The following CARD10 variants were observed in gnomAD, a reference collection of about 807,000 sequenced individuals.
CARD10 encodes caspase recruitment domain family member 10, also known as caspase recruitment domain-containing protein 10.
A neutral mutation model predicts 114.6 loss-of-function variants in CARD10; 49 were observed. The ratio of observed to expected loss-of-function variants is 0.43; its 90% CI spans 0.34 to 0.54. CARD10 has a LOEUF of 0.54. CARD10 is among the 20% of genes least tolerant of loss of function. CARD10 has a pLI of 0.03. For synonymous variants in CARD10, 602 were observed against 593.2 expected, an observed-to-expected ratio of 1.01 and a Z score of -0.21; for missense variants, 1,206 against 1,397.2, an observed-to-expected ratio of 0.86 and a Z score of 2.18.
At chr22:37,494,217 C>G in intron 15 of CARD10, 29 bp from the exon 16 acceptor site, 1 of 1,469,426 alleles carries the variant, frequency 6.8e-7, no homozygotes, top group Non-Finnish European at 9.3e-7. Context: ...AGAGGAGCAT[C>G]TGAGAGCTCA....
At chr22:37,498,841 A>G (rs1923103199) in intron 11 of CARD10, among the ~76,000 whole-genome samples, 1 of 136,570 alleles carries the variant, frequency 7.3e-6, no homozygotes, top group African/African-American at 2.7e-5. Context: ...GCTGAGCGTC[A>G]GTTACCACAT....
intron 11 of CARD10, among the ~76,000 whole-genome samples, chr22:37,498,681 C>T (rs1923097521): frequency 6.6e-6 from 1 of 152,176 alleles, no homozygotes; most frequent in African/African-American, 2.4e-5. Flanking sequence ...CATTCAGTGC[C>T]GCATGTCCTG....
rs565369955 is a variant in CARD10, at chr22:37,490,717, C to T, written c.*442G>A. ...AGCGCGAGCTGGATGGTGGGAGTCA[C>T]GCGGTAACGGGCTCAGGTCTCCTAG... On this transcript the variant is annotated 3_prime_UTR_variant, in exon 20 of 20. Transcript: ENST00000251973. 2 of 163,626 alleles carry T rather than the reference C, an allele frequency of 1.2e-5. No individual in the cohort carries two copies. Among genetic ancestry groups the T allele is most frequent in the African/African-American group, 2.4e-5 (1 of 41,868 alleles). The allele number at this position is 163,626 out of a possible 1,614,324, so 10.1% of individuals were successfully genotyped here.
chr22:37,495,529 GC>G lies in CARD10; in HGVS notation c.2360del (p.Gly787AlafsTer6). 6.2e-7 allele frequency: 1 copy of G among 1,612,052 alleles called. No individual in the cohort carries two copies. The highest frequency in any genetic ancestry group is 8.5e-7 in the Non-Finnish European group (1 of 1,179,502). ...CAGCCGTGCTCACATTACTGCGGGG[GC>G]CTCGGTGCCGGCTGGAGGGCAGGCA... ...EKCLPSSRHR[G>X]PRSNLKKRAL... On this transcript the variant is annotated frameshift_variant, in exon 15 of 20. Transcript: ENST00000251973. LOFTEE classifies it high-confidence loss of function.
Position 37,496,045 on chromosome 22 carries a change from G to A in CARD10, c.2060-42C>T, listed in dbSNP as rs753601017. On this transcript the variant is annotated intron_variant, in intron 13 of 19. Coordinates refer to ENST00000251973, the MANE Select transcript of CARD10 (RefSeq NM_014550.4). The surrounding 1 kb of genome is among the most constrained non-coding windows in gnomAD (Gnocchi z 4.1). ...CAGGGGGCAGCAAGGAGGACAAGAG[G>A]AGGATGGTGAGGTCCAGGATCGGCC... is the stretch of plus-strand genomic sequence containing the variant. 2 of 1,604,890 alleles carry A rather than the reference G, an allele frequency of 1.2e-6. No individual in the cohort carries two copies. Among genetic ancestry groups the A allele is most frequent in the South Asian group, 1.1e-5 (1 of 90,538 alleles).
rs60611523 is a variant in CARD10 at position 37,510,301 on chromosome 22, G to GCTCCTT, written c.814_819dup (p.Lys272_Glu273dup). The GCTCCTT allele has an allele frequency of 0.04, 63,427 of 1,605,554 alleles. 1,450 individuals are homozygous for GCTCCTT. Among genetic ancestry groups the GCTCCTT allele is most frequent in the Non-Finnish European group, 0.044 (51,606 of 1,178,726 alleles). On this transcript the variant is annotated inframe_insertion, in exon 4 of 20. Transcript: ENST00000251973. ...TCAGAGACAAGGTCCACATTGTCTG[G>GCTCCTT]CTCCTTCTCCTTCTCCTTCTCCTTC...
rs1286094186 is a variant in CARD10, at chr22:37,501,091, C to T, written c.1787+1511G>A. On this transcript the variant is annotated intron_variant, in intron 11 of 19. Transcript: ENST00000251973. This position sits in a 1 kb window ranked among gnomAD's most constrained non-coding sequence, Gnocchi z 5.4. ...AAGTTGCCCCGACCTGGGACCTGTC[C>T]GGGCCCTCATCTCCCTCTCCCTCTC... Among the ~76,000 whole-genome samples, 3 of 152,118 alleles carry T rather than the reference C, an allele frequency of 2.0e-5. No individual in the cohort carries two copies. Among genetic ancestry groups the T allele is most frequent in the Non-Finnish European group, 2.9e-5 (2 of 68,014 alleles).
At chr22:37,509,660 C>CG (rs1178063967) in intron 4 of CARD10, among the ~76,000 whole-genome samples, 1 of 146,690 alleles carries the variant, frequency 6.8e-6, no homozygotes, top group Non-Finnish European at 1.5e-5. Flanking sequence ...TGCCCATGAA[C>CG]GCTGGCCCTG....
Position 37,511,230 on chromosome 22 carries a change from G to A in CARD10, c.700-809C>T, listed in dbSNP as rs532794781. Among the ~76,000 whole-genome samples the A allele has an allele frequency of 6.2e-3, 942 of 151,280 alleles. 5 individuals carry two copies. Among genetic ancestry groups the A allele is most frequent in the South Asian group, 0.027 (129 of 4,782 alleles). On this transcript the variant is annotated intron_variant, in intron 3 of 19. Coordinates refer to ENST00000251973, the MANE Select transcript of CARD10 (RefSeq NM_014550.4). ...ACATTAGTTGGGTGTGGTGGTGCGC[G>A]CCTATTATCCCAGCTACTCAGGAGG...
chr22:37,507,359 C>T (rs896311645), intron 6 of CARD10, among the ~76,000 whole-genome samples: 9 of 152,224 alleles, frequency 5.9e-5, no homozygotes, highest in Admixed American at 5.9e-4. Flanking sequence ...TGCCCTTCCC[C>T]GCTGCAGATG....
rs1425678585 is a variant in CARD10 at position 37,496,526 on chromosome 22, C to A, written c.1982G>T (p.Cys661Phe). 1 of 1,613,704 alleles carries A rather than the reference C, an allele frequency of 6.2e-7. No individual in the cohort carries two copies. The highest frequency in any genetic ancestry group is 8.5e-7 in the Non-Finnish European group (1 of 1,179,944). ...RVEAAGLEGA[C>F]LEAEAQQRTL... ...TCTCTGCTGGGCCTCGGCTTCCAGG[C>A]ACGCCCCCTCCAGACCAGCAGCTTC... Residue 661 changes from cysteine (C) to phenylalanine (F), a missense_variant, in exon 13 of 20, where the codon TGC (cysteine) becomes TTC (phenylalanine). This residue lies in a region of CARD10 where 1,068 missense variants were observed against 1,179.1 expected (regional missense o/e 0.91). Transcript: ENST00000251973. This position sits in a 1 kb window ranked among gnomAD's most constrained non-coding sequence, Gnocchi z 4.1.
chr22:37,499,410 C>A (rs1220565787), intron 11 of CARD10, among the ~76,000 whole-genome samples: 2 of 152,106 alleles, frequency 1.3e-5, no homozygotes, highest in African/African-American at 4.8e-5. Flanking sequence ...AGTTTCCCCA[C>A]CTGTTTCAAA....
At chr22:37,509,150 C>A in intron 4 of CARD10, 2 of 1,474,150 alleles carry the variant, frequency 1.4e-6, no homozygotes, top group Non-Finnish European at 1.8e-6. Context: ...AGCCAAGTGC[C>A]CCAACCCCAT....
rs184939566 is a variant in CARD10, at chr22:37,501,415, C to G, written c.1787+1187G>C. 6.6e-6 allele frequency among the ~76,000 whole-genome samples: 1 copy of G among 151,082 alleles called. No homozygotes were observed. The highest frequency in any genetic ancestry group is 2.0e-4 in the East Asian group (1 of 5,112). On this transcript the variant is annotated intron_variant, in intron 11 of 19. Transcript: ENST00000251973. The surrounding 1 kb of genome is among the most constrained non-coding windows in gnomAD (Gnocchi z 5.4). ...AAGGGAGGCGCCTCCACCCCTTCCC[C>G]GAGAAGCACGTCCTGCACAGGCAAA...
At chr22:37,508,914 A>C (rs1251252264) in intron 4 of CARD10, 10 of 1,406,586 alleles carry the variant, frequency 7.1e-6, no homozygotes, top group African/African-American at 2.8e-5. Context: ...GTAAGCTAAT[A>C]AGCTAAGTGG....
At chr22:37,507,451 A>C (rs574053791) in intron 6 of CARD10, among the ~76,000 whole-genome samples, 3 of 152,312 alleles carry the variant, frequency 2.0e-5, no homozygotes, top group Admixed American at 2.0e-4. Context: ...GCAGGAGACA[A>C]GGGTCATAGT....
rs760871700 is a variant in CARD10 at position 37,516,038 on chromosome 22, G to A, written c.634C>T (p.Arg212Cys). The A allele has an allele frequency of 2.1e-5, 33 of 1,601,924 alleles. No homozygotes were observed. The East Asian group carries it at 2.5e-4, about 12-fold the overall frequency. Reference sequence around the variant, plus strand: ...TTCTCCTCACTGAGCTGTGCCAGGCGCATGGCGATCATGTAGTTCTCATCC... The same window carrying A: ...TTCTCCTCACTGAGCTGTGCCAGGCACATGGCGATCATGTAGTTCTCATCC... ...LKDENYMIAM[R>C]LAQLSEEKNS... Residue 212 changes from arginine (R) to cysteine (C), a missense_variant, in exon 3 of 20, where the codon CGC becomes TGC. By Grantham distance (180) the Arg-to-Cys change is radical. Around this residue, in one of 2 missense-constraint regions of CARD10, gnomAD observed 1,068 missense variants for 1,179.1 expected, o/e 0.91. Transcript: ENST00000251973.
Position 37,492,016 on chromosome 22 carries a change from C to G in CARD10, c.2752-149G>C. ...GGGACCCTGGCAACGAGGAAGGAGC[C>G]CAAAAGTACAGACAAGAGGCCTGGG... On this transcript the variant is annotated intron_variant, in intron 18 of 19. Coordinates refer to ENST00000251973, the MANE Select transcript of CARD10 (RefSeq NM_014550.4). This position sits in a 1 kb window ranked among gnomAD's most constrained non-coding sequence, Gnocchi z 5.7. The G allele has an allele frequency of 3.1e-6, 2 of 643,162 alleles. No individual in the cohort carries two copies. The highest frequency in any genetic ancestry group is 5.6e-6 in the Non-Finnish European group (2 of 356,896). 39.8% of individuals were successfully genotyped at this position (643,162 alleles called of 1,614,324 possible). A position where few individuals can be genotyped will look rare whatever the true frequency, so the allele number is the denominator to read the frequency against.
chr22:37,494,502 G>A (rs1484816947), intron 15 of CARD10: 4 of 423,436 alleles, frequency 9.4e-6, no homozygotes, highest in Admixed American at 4.1e-5. Flanking sequence ...CAGAGACCAA[G>A]AGGAACCAAA....
Sources: allele counts gnomAD v4.1 joint callset (sites outside exome capture counted in the v4.1 genomes callset), GRCh38; gene constraint gnomAD v4.1.1; regional missense constraint gnomAD v4.1.1; non-coding constraint Gnocchi (gnomAD v3.1); transcripts MANE v1.5; gene names NCBI Gene and HGNC (gene_info 2026-07-23, HGNC 2026-07-21).